Variants in DAB1 observed in about 807,000 individuals in gnomAD.
DAB1 encodes the protein disabled homolog 1.
Under a neutral mutation model 64.6 loss-of-function variants are expected in DAB1, and 15 were observed. The ratio of observed to expected loss-of-function variants is 0.23; its 90% CI spans 0.16 to 0.36. DAB1 has a LOEUF of 0.36. DAB1 is among the 10% of genes least tolerant of loss of function. DAB1 has a pLI of 1.00. For synonymous variants in DAB1, 235 were observed against 251.9 expected (o/e 0.93, Z 0.64); for missense variants, 596 against 706.7 (o/e 0.84, Z 1.78).
intron 5 of DAB1, among the ~76,000 whole-genome samples, chr1:58,144,386 T>C (rs1230713484): frequency 6.6e-6 from 1 of 152,228 alleles, no homozygotes; most frequent in East Asian, 1.9e-4. Flanking sequence ...ACCAAAATAA[T>C]GACTAACATT....
chr1:58,230,877 G>A (rs931234403), intron 4 of DAB1, among the ~76,000 whole-genome samples: 2 of 152,174 alleles, frequency 1.3e-5, no homozygotes, highest in Non-Finnish European at 2.9e-5. Flanking sequence ...CAGCACCATG[G>A]TTGGCAGTAT....
intron 4 of DAB1, among the ~76,000 whole-genome samples, chr1:58,253,860 T>C (rs573156803): frequency 2.4e-4 from 37 of 152,214 alleles, no homozygotes; most frequent in Non-Finnish European, 4.1e-4. Flanking sequence ...AGGGCCATGA[T>C]ACTAGGACCT....
At position 58,258,977 on chromosome 1, in the gene DAB1, G is replaced by T. The variant is rs889735406; in HGVS notation, n.309+84375C>A. Among the ~76,000 whole-genome samples the T allele has an allele frequency of 2.0e-5, 3 of 152,198 alleles. 1 individual carries two copies. Among genetic ancestry groups the T allele is most frequent in the East Asian group, 1.9e-4 (1 of 5,176 alleles). Reference sequence around the variant, plus strand: ...ATGAATAAGCTCACTGTGTGTCTTTGGTCAAATTGCTTAACTTTCCTGAGC... The same window carrying T: ...ATGAATAAGCTCACTGTGTGTCTTTTGTCAAATTGCTTAACTTTCCTGAGC... On this transcript the variant is annotated intron_variant and non_coding_transcript_variant, in intron 4 of 20. Coordinates refer to the DAB1 transcript ENST00000485760.
chr1:57,226,523 C>T (rs1377866232), intron 2 of DAB1, among the ~76,000 whole-genome samples: 1 of 152,030 alleles, frequency 6.6e-6, no homozygotes, highest in African/African-American at 2.4e-5. Context: ...CTCAGCCCCT[C>T]CACCACTTCC....
chr1:57,644,221 G>A lies in DAB1; in HGVS notation n.625+5371C>T, dbSNP rs892512764. Among the ~76,000 whole-genome samples the A allele has an allele frequency of 5.5e-4, 83 of 152,128 alleles. 2 individuals carry two copies. Among genetic ancestry groups the A allele is most frequent in the Admixed American group, 4.9e-3 (75 of 15,260 alleles). On this transcript the variant is annotated intron_variant and non_coding_transcript_variant, in intron 7 of 20. Transcript: ENST00000485760. ...CCTGATTTGGAAGTTCAAAAGAGGC[G>A]AGAAACTAGACAGAATGAACTGGAA...
intron 5 of DAB1, among the ~76,000 whole-genome samples, chr1:58,115,796 C>T (rs2100659805): frequency 8.8e-6 from 1 of 113,774 alleles, no homozygotes; most frequent in African/African-American, 3.4e-5. Context: ...AATGAGATCA[C>T]ATGGACACAG....
At chr1:58,461,695 C>T (rs1194106592) in intron 3 of DAB1, among the ~76,000 whole-genome samples, 1 of 152,198 alleles carries the variant, frequency 6.6e-6, no homozygotes, top group Non-Finnish European at 1.5e-5. Flanking sequence ...GTTCTACGAG[C>T]ACCCCAAAGA....
chr1:58,013,240 T>C (rs529208092), intron 5 of DAB1, among the ~76,000 whole-genome samples: 2 of 152,268 alleles, frequency 1.3e-5, no homozygotes, highest in Non-Finnish European at 2.9e-5. Context: ...CATTCTAAAA[T>C]GAAGATAATA....
chr1:57,964,529 G>A (rs1439727829), intron 5 of DAB1, among the ~76,000 whole-genome samples: 1 of 152,164 alleles, frequency 6.6e-6, no homozygotes, highest in Non-Finnish European at 1.5e-5. Context: ...TTTCAGTACA[G>A]AGAGTAAATA....
intron 5 of DAB1, among the ~76,000 whole-genome samples, chr1:58,032,002 G>A (rs1314368006): frequency 3.5e-5 from 2 of 56,782 alleles, no homozygotes; most frequent in Admixed American, 3.6e-4. Flanking sequence ...GTGTGTGTGT[G>A]TGTGTGTGTG....
rs574076868 is a variant in DAB1, at chr1:57,013,946, A to G, written c.1444+937T>C. On this transcript the variant is annotated intron_variant, in intron 12 of 14. Transcript: ENST00000371236. ...CCAAGCCAATTCACTTATTTTACCA[A>G]TGATAAAACTGAGTCTCAGAGAAGT... 2.0e-5 allele frequency among the ~76,000 whole-genome samples: 3 copies of G among 152,322 alleles called. No individual in the cohort carries two copies. In the South Asian group the frequency reaches 6.2e-4, roughly 32 times the overall value.
At chr1:58,324,173 C>T (rs1313705224) in intron 4 of DAB1, among the ~76,000 whole-genome samples, 1 of 152,110 alleles carries the variant, frequency 6.6e-6, no homozygotes, top group African/African-American at 2.4e-5. Flanking sequence ...CCTTCCTCCA[C>T]AAATATCATC....
chr1:57,725,287 A>G (rs143765368), intron 6 of DAB1, among the ~76,000 whole-genome samples: 8 of 152,344 alleles, frequency 5.3e-5, no homozygotes, highest in Admixed American at 4.6e-4. Flanking sequence ...AAGATAAAAA[A>G]TGAGAACAAA....
intron 1 of DAB1, among the ~76,000 whole-genome samples, chr1:58,535,120 A>G (rs1646496068): frequency 6.6e-6 from 1 of 152,194 alleles, no homozygotes; most frequent in South Asian, 2.1e-4. Flanking sequence ...TTGAAAGGAA[A>G]TTACTGAATT....
At chr1:57,042,347 C>G (rs1647894279) in intron 9 of DAB1, among the ~76,000 whole-genome samples, 1 of 152,222 alleles carries the variant, frequency 6.6e-6, no homozygotes, top group Non-Finnish European at 1.5e-5. Flanking sequence ...TTTACCATCT[C>G]AGGCCTTGGC....
At chr1:57,837,074 C>A (rs1454362815) in intron 1 of DAB1, among the ~76,000 whole-genome samples, 1 of 152,192 alleles carries the variant, frequency 6.6e-6, no homozygotes, top group Admixed American at 6.5e-5. Context: ...ATTTCCACTG[C>A]CACTACCCTA....
chr1:58,339,451 G>A (rs759405980), intron 4 of DAB1, among the ~76,000 whole-genome samples: 2 of 152,112 alleles, frequency 1.3e-5, no homozygotes, highest in African/African-American at 4.8e-5. Context: ...TTCATATTAT[G>A]TTACAAGGTG....
intron 1 of DAB1, among the ~76,000 whole-genome samples, chr1:57,350,586 TAA>T (rs1678507612): frequency 6.6e-6 from 1 of 152,078 alleles, no homozygotes. Context: ...AGAGAAGCAA[TAA>T]TTACAAGTTC....
At chr1:57,723,223 C>A (rs977426049) in intron 6 of DAB1, among the ~76,000 whole-genome samples, 8 of 152,132 alleles carry the variant, frequency 5.3e-5, no homozygotes, top group Non-Finnish European at 1.0e-4. Flanking sequence ...GCTGTGTGAC[C>A]ACGGGCAAGT....
Sources: gnomAD v4.1 joint callset for allele counts (sites outside exome capture counted in the v4.1 genomes callset) on GRCh38, gnomAD v4.1.1 for gene constraint, MANE v1.5 for transcripts, NCBI Gene and HGNC (gene_info 2026-07-23, HGNC 2026-07-21) for gene names.